The following RASGRF2 variants were observed in gnomAD, a reference collection of about 807,000 sequenced individuals.
RASGRF2 encodes Ras protein specific guanine nucleotide releasing factor 2.
A neutral mutation model predicts 151.0 loss-of-function variants in RASGRF2; 76 were observed. That is an observed-to-expected ratio of 0.50 (90% CI 0.42 to 0.61). RASGRF2 has a LOEUF of 0.61. Among genes scored for constraint, RASGRF2 ranks in the 20% least tolerant of loss-of-function variants. The pLI, the probability that RASGRF2 is intolerant of heterozygous loss-of-function variation, is 0.00. For synonymous variants in RASGRF2, 504 were observed against 566.5 expected (o/e 0.89, Z 1.57); for missense variants, 1,148 against 1,564.6 (o/e 0.73, Z 4.49).
intron 17 of RASGRF2, among the ~76,000 whole-genome samples, chr5:81,159,110 A>G (rs1754324318): frequency 6.6e-6 from 1 of 152,276 alleles, no homozygotes; most frequent in Non-Finnish European, 1.5e-5. Context: ...AATGTGATAT[A>G]TTAATGTATA....
chr5:81,192,677 C>T (rs2112697327), intron 18 of RASGRF2, among the ~76,000 whole-genome samples: 1 of 152,310 alleles, frequency 6.6e-6, no homozygotes, highest in East Asian at 1.9e-4. Flanking sequence ...AAGGTCTCTT[C>T]TCCTCAGAAG....
intron 17 of RASGRF2, among the ~76,000 whole-genome samples, chr5:81,129,780 C>T (rs190567860): frequency 3.5e-4 from 54 of 152,304 alleles, no homozygotes; most frequent in East Asian, 1.9e-4. Flanking sequence ...GTCTTCCGTT[C>T]TCACTCGCTA....
intron 25 of RASGRF2, among the ~76,000 whole-genome samples, chr5:81,217,934 G>T (rs1363063922): frequency 6.6e-6 from 1 of 152,122 alleles, no homozygotes; most frequent in African/African-American, 2.4e-5. Context: ...AGTAGAGACG[G>T]GGTTTCACTG....
intron 18 of RASGRF2, among the ~76,000 whole-genome samples, chr5:81,197,875 A>G (rs1407774004): frequency 3.3e-5 from 5 of 152,166 alleles, no homozygotes; most frequent in Admixed American, 3.3e-4. Flanking sequence ...ATACCTAACA[A>G]TTCCTCTCTG....
At chr5:81,196,327 T>A (rs1028603917) in intron 18 of RASGRF2, among the ~76,000 whole-genome samples, 2 of 152,190 alleles carry the variant, frequency 1.3e-5, no homozygotes, top group African/African-American at 4.8e-5. Flanking sequence ...CCTGTGCAAA[T>A]GTAAGTGAAA....
chr5:81,070,289 T>C (rs1751733455), intron 3 of RASGRF2: 1 of 502,646 alleles, frequency 2.0e-6, no homozygotes, highest in African/African-American at 1.9e-5. Context: ...CAGTCACTTC[T>C]TATAAACACT....
chr5:81,014,777 T>C (rs1032993316), intron 1 of RASGRF2, among the ~76,000 whole-genome samples: 1 of 152,228 alleles, frequency 6.6e-6, no homozygotes. Context: ...GTATAAATAT[T>C]CCACAGTTTA....
At chr5:81,161,197 A>C (rs1469169838) in intron 17 of RASGRF2, among the ~76,000 whole-genome samples, 1 of 152,210 alleles carries the variant, frequency 6.6e-6, no homozygotes, top group African/African-American at 2.4e-5. Context: ...AGATGGGTCA[A>C]GGACTCAATT....
rs1754476940 is a variant in RASGRF2, at chr5:81,165,148, G to A, written c.2687-15027G>A. On this transcript the variant is annotated intron_variant, in intron 17 of 26. Transcript: ENST00000265080. Reference sequence around the variant, plus strand: ...AGGCCTCTCTTCTGAGTCCTCAGTTGCTGAACTGAAAGTACTTTACAATAC... The same window carrying A: ...AGGCCTCTCTTCTGAGTCCTCAGTTACTGAACTGAAAGTACTTTACAATAC... 2.6e-5 allele frequency among the ~76,000 whole-genome samples: 4 copies of A among 152,140 alleles called. No individual in the cohort carries two copies. The South Asian group carries it at 8.3e-4, about 32-fold the overall frequency.
chr5:81,126,698 A>G (rs1753464348), intron 16 of RASGRF2, among the ~76,000 whole-genome samples: 1 of 152,188 alleles, frequency 6.6e-6, no homozygotes, highest in African/African-American at 2.4e-5. Flanking sequence ...TTAACTTGGC[A>G]TGTTTTCCAA....
chr5:81,060,962 ATGTCTG>A (rs1357942410), intron 2 of RASGRF2, among the ~76,000 whole-genome samples: 6 of 151,884 alleles, frequency 4.0e-5, no homozygotes, highest in Non-Finnish European at 1.5e-5. Flanking sequence ...TCTTCTGCTT[ATGTCTG>A]TGTATACACT....
chr5:81,050,783 T>A (rs1242370530), intron 2 of RASGRF2, among the ~76,000 whole-genome samples: 1 of 152,160 alleles, frequency 6.6e-6, no homozygotes, highest in Non-Finnish European at 1.5e-5. Flanking sequence ...TAAGAAATTA[T>A]TGCATTGATT....
chr5:81,124,405 A>G (rs1374063861), intron 16 of RASGRF2, among the ~76,000 whole-genome samples: 1 of 152,234 alleles, frequency 6.6e-6, no homozygotes, highest in Non-Finnish European at 1.5e-5. Flanking sequence ...GATGTTAGCT[A>G]GCTGAAGAAT....
chr5:81,083,845 T>G (rs1017634509), intron 7 of RASGRF2, among the ~76,000 whole-genome samples: 1 of 152,202 alleles, frequency 6.6e-6, no homozygotes, highest in Non-Finnish European at 1.5e-5. Flanking sequence ...TTACTGTAAT[T>G]GGAGAGCAAG....
chr5:80,981,071 C>A (rs571428582), intron 1 of RASGRF2, among the ~76,000 whole-genome samples: 1 of 152,154 alleles, frequency 6.6e-6, no homozygotes, highest in Non-Finnish European at 1.5e-5. Flanking sequence ...TTTAGAGCTG[C>A]GTATGTATTG....
intron 1 of RASGRF2, among the ~76,000 whole-genome samples, chr5:80,987,107 C>T (rs1297051768): frequency 6.6e-6 from 1 of 152,238 alleles, no homozygotes; most frequent in Non-Finnish European, 1.5e-5. Context: ...CTCTCTGACC[C>T]TCTGGGAAGT....
chr5:81,149,442 A>G lies in RASGRF2; in HGVS notation c.2686+22279A>G, dbSNP rs537537580. On this transcript the variant is annotated intron_variant, in intron 17 of 26. Transcript: ENST00000265080. ...AGCCAAGCCATGAGGATGCAAAGGC[A>G]TAAGAATGACACAATGGACTTTGGG... Among the ~76,000 whole-genome samples, 5 of 152,212 alleles carry G rather than the reference A, an allele frequency of 3.3e-5. No individual in the cohort carries two copies. The East Asian group carries it at 7.7e-4, about 23-fold the overall frequency.
At chr5:81,069,236 C>T (rs1238913321) in intron 3 of RASGRF2, among the ~76,000 whole-genome samples, 1 of 152,190 alleles carries the variant, frequency 6.6e-6, no homozygotes, top group East Asian at 1.9e-4. Context: ...TACAAGCGTC[C>T]TCCAACAGAG....
intron 18 of RASGRF2, among the ~76,000 whole-genome samples, chr5:81,192,397 A>T (rs1227053699): frequency 2.0e-5 from 3 of 152,214 alleles, no homozygotes; most frequent in Non-Finnish European, 2.9e-5. Context: ...TTTTTCTATT[A>T]GAATGTTCTT....
Sources: allele counts gnomAD v4.1 joint callset (sites outside exome capture counted in the v4.1 genomes callset), GRCh38; gene constraint gnomAD v4.1.1; transcripts MANE v1.5; gene names NCBI Gene and HGNC (gene_info 2026-07-23, HGNC 2026-07-21).